Variants in PCDHGA5 observed in about 807,000 individuals in gnomAD.
PCDHGA5 encodes the protein protocadherin gamma subfamily A, 5, also known as protocadherin gamma-A5.
A neutral mutation model predicts 56.7 loss-of-function variants in PCDHGA5; 36 were observed. That is an observed-to-expected ratio of 0.64 (90% CI 0.49 to 0.84). The LOEUF is 0.84. Ranked by LOEUF, PCDHGA5 falls within the 40% of genes least tolerant of loss-of-function variation. PCDHGA5 has a pLI of 0.00. For missense variants in PCDHGA5, 1,305 were observed against 1,201.5 expected, an observed-to-expected ratio of 1.09 and a Z score of -1.27; for synonymous variants, 563 against 520.2, an observed-to-expected ratio of 1.08 and a Z score of -1.12.
At chr5:141,376,185 C>A (rs1772389815) in intron 1 of PCDHGA5, 9 of 1,614,158 alleles carry the variant, frequency 5.6e-6, no homozygotes, top group Non-Finnish European at 7.6e-6. Context: ...GCCGCGGTCT[C>A]CTGCGTCTTC....
At chr5:141,405,804 C>T (rs1277295024) in intron 1 of PCDHGA5, among the ~76,000 whole-genome samples, 1 of 146,338 alleles carries the variant, frequency 6.8e-6, no homozygotes, top group Non-Finnish European at 1.5e-5. Context: ...AGTTAGCTTT[C>T]TCTTTAACTG....
chr5:141,376,553 G>T, intron 1 of PCDHGA5: 1 of 1,610,804 alleles, frequency 6.2e-7, no homozygotes, highest in Non-Finnish European at 8.5e-7. Flanking sequence ...TGATCTTCCC[G>T]CAACCCAACT....
At chr5:141,400,404 GT>G (rs2094016313) in intron 1 of PCDHGA5, 1 of 1,613,948 alleles carries the variant, frequency 6.2e-7, no homozygotes, top group South Asian at 1.1e-5. Flanking sequence ...GAAAGACGGA[GT>G]TTAATTTCCT....
At chr5:141,433,353 G>C (rs2097584366) in intron 1 of PCDHGA5, 4 of 603,272 alleles carry the variant, frequency 6.6e-6, no homozygotes, top group South Asian at 6.2e-5. Context: ...GCCACCTACT[G>C]TCTGCCTATC....
chr5:141,443,947 T>C (rs2098410978), intron 1 of PCDHGA5, among the ~76,000 whole-genome samples: 1 of 152,082 alleles, frequency 6.6e-6, no homozygotes, highest in Non-Finnish European at 1.5e-5. Flanking sequence ...GGTTTCCTTA[T>C]TGGTATGTAT....
intron 1 of PCDHGA5, chr5:141,403,391 G>GT (rs2154533404): frequency 1.2e-6 from 2 of 1,614,046 alleles, no homozygotes; most frequent in Admixed American, 3.3e-5. Flanking sequence ...CGAAATCGCG[G>GT]TTCCTGGAGC....
At chr5:141,410,312 C>T (rs754522489) in intron 1 of PCDHGA5, 9 of 1,614,036 alleles carry the variant, frequency 5.6e-6, no homozygotes, top group South Asian at 3.3e-5. Context: ...AGTGCTCTTC[C>T]TCCTCGCCGT....
chr5:141,478,382 C>A (rs1287807889), intron 1 of PCDHGA5: 2 of 1,613,552 alleles, frequency 1.2e-6, no homozygotes, highest in South Asian at 2.2e-5. Flanking sequence ...GTCGCCGCAC[C>A]TTTACCATCA....
chr5:141,371,208 G>A (rs926435059), intron 1 of PCDHGA5: 2 of 1,613,802 alleles, frequency 1.2e-6, no homozygotes, highest in Admixed American at 1.7e-5. Flanking sequence ...CATGGATGAG[G>A]GCATCAATGC....
intron 1 of PCDHGA5, chr5:141,384,715 T>C: frequency 6.2e-7 from 1 of 1,614,088 alleles, no homozygotes. Flanking sequence ...CTGGCTGTCA[T>C]ACCTCCTGCT....
intron 1 of PCDHGA5, chr5:141,419,373 TGTCC>T (rs761256298): frequency 6.2e-7 from 1 of 1,613,754 alleles, no homozygotes; most frequent in South Asian, 1.1e-5. Context: ...TCGTCCTACG[TGTCC>T]GTGAGCGCGC....
chr5:141,417,185 A>C (rs2096092787), intron 1 of PCDHGA5: 1 of 152,216 alleles, frequency 6.6e-6, no homozygotes, highest in Admixed American at 6.5e-5. Context: ...AGGAATTATT[A>C]CTTTCTGGGT....
rs992649031 is a variant in PCDHGA5 at position 141,387,128 on chromosome 5, G to C, written c.2421+20377G>C. On this transcript the variant is annotated intron_variant, in intron 1 of 3. Coordinates refer to ENST00000518069, the MANE Select transcript of PCDHGA5 (RefSeq NM_018918.3). ...ATAATATTCCTGTAATGAAATCACTGAAACTATTGGGAAGGGGGTGTATTT... is the reference window on the plus strand; with the variant it reads ...ATAATATTCCTGTAATGAAATCACTCAAACTATTGGGAAGGGGGTGTATTT... Among the ~76,000 whole-genome samples, 7 of 152,316 alleles carry C rather than the reference G, an allele frequency of 4.6e-5. No homozygotes were observed. The South Asian group carries it at 8.3e-4, about 18-fold the overall frequency.
chr5:141,511,641 A>C lies in PCDHGA5; in HGVS notation c.*468A>C. On this transcript the variant is annotated 3_prime_UTR_variant, in exon 4 of 4. Transcript: ENST00000518069. ...TCTGAAAAGTTGGAAGGGCATCATG[A>C]CCTCTTGGCCTCTCCTTTGATTCTC... 1 of 224,930 alleles carries C rather than the reference A, an allele frequency of 4.4e-6. No homozygotes were observed. The allele number at this position is 224,930 out of a possible 1,614,324, so 13.9% of individuals were successfully genotyped here. A position where few individuals can be genotyped will look rare whatever the true frequency, so the allele number is the denominator to read the frequency against.
rs1228384684 is a variant in PCDHGA5 at position 141,432,189 on chromosome 5, A to G, written c.2422-62618A>G. On this transcript the variant is annotated intron_variant, in intron 1 of 3. Coordinates refer to ENST00000518069, the MANE Select transcript of PCDHGA5 (RefSeq NM_018918.3). This position sits in a 1 kb window ranked among gnomAD's most constrained non-coding sequence, Gnocchi z 6.0. The stretch of plus-strand genomic sequence containing the variant: ...GTTTCCCTCGTCTCTGTGACCGCCC[A>G]CGACCCCGACTGTGAAGAGAACGCC... 6.2e-6 allele frequency: 10 copies of G among 1,613,964 alleles called. No homozygotes were observed. Among genetic ancestry groups the G allele is most frequent in the African/African-American group, 1.3e-5 (1 of 74,878 alleles).
intron 1 of PCDHGA5, chr5:141,393,367 G>C: frequency 1.2e-6 from 2 of 1,613,962 alleles, no homozygotes; most frequent in Middle Eastern, 1.6e-4. Context: ...GTGCAGACTG[G>C]AGACAATGGA....
chr5:141,491,560 T>C lies in PCDHGA5; in HGVS notation c.2422-3247T>C. 1 of 1,613,986 alleles carries C rather than the reference T, an allele frequency of 6.2e-7. No homozygotes were observed. Among genetic ancestry groups the C allele is most frequent in the Non-Finnish European group, 8.5e-7 (1 of 1,180,026 alleles). ...GCCCACAGACTCGCAGAGCCACTGCTACAGGACGTGCTTTTCACCGGCCTC... is the reference window on the plus strand; with the variant it reads ...GCCCACAGACTCGCAGAGCCACTGCCACAGGACGTGCTTTTCACCGGCCTC... On this transcript the variant is annotated intron_variant, in intron 1 of 3. Coordinates refer to ENST00000518069, the MANE Select transcript of PCDHGA5 (RefSeq NM_018918.3). This position sits in a 1 kb window ranked among gnomAD's most constrained non-coding sequence, Gnocchi z 6.9.
chr5:141,375,820 C>T (rs62378422), intron 1 of PCDHGA5: 145,173 of 1,614,058 alleles, frequency 0.09, 7,179 homozygotes, highest in African/African-American at 0.18. Context: ...AGCTGGCGCC[C>T]CGCTCCGCAG....
intron 1 of PCDHGA5, chr5:141,414,274 G>C: frequency 1.9e-6 from 3 of 1,613,368 alleles, no homozygotes; most frequent in Non-Finnish European, 2.5e-6. Flanking sequence ...TTCACCTCTG[G>C]GAACAGTCGT....
Sources: allele counts gnomAD v4.1 joint callset (sites outside exome capture counted in the v4.1 genomes callset), GRCh38; gene constraint gnomAD v4.1.1; non-coding constraint Gnocchi (gnomAD v3.1); transcripts MANE v1.5; gene names NCBI Gene and HGNC (gene_info 2026-07-23, HGNC 2026-07-21).